Variants in RHEB observed in about 807,000 individuals in gnomAD.
The protein encoded by RHEB is GTP-binding protein Rheb.
Under a neutral mutation model 28.8 loss-of-function variants are expected in RHEB, and 2 were observed. That is an observed-to-expected ratio of 0.07 (90% CI 0.03 to 0.22). The LOEUF (loss-of-function observed/expected upper bound fraction) is 0.22. Ranked by LOEUF, RHEB falls within the 10% of genes least tolerant of loss-of-function variation. The pLI, the probability that RHEB is intolerant of heterozygous loss-of-function variation, is 1.00. For synonymous variants in RHEB, 69 were observed against 77.3 expected (o/e 0.89, Z 0.56); for missense variants, 76 against 219.9 (o/e 0.35, Z 4.14).
intron 1 of RHEB, 28 bp from the exon 2 acceptor site, chr7:151,491,042 G>C (rs1370065428): frequency 6.4e-7 from 1 of 1,557,750 alleles, no homozygotes; most frequent in Non-Finnish European, 8.8e-7. Context: ...AGCTTAGTGT[G>C]TGTTGGCATA....
intron 1 of RHEB, among the ~76,000 whole-genome samples, chr7:151,512,461 A>C: frequency 6.6e-6 from 1 of 152,104 alleles, no homozygotes; most frequent in Non-Finnish European, 1.5e-5. Context: ...ACTCTCTGGG[A>C]GCCTCGCCAT....
At chr7:151,484,625 G>T in intron 3 of RHEB, 112 bp downstream of exon 3, 1 of 752,196 alleles carries the variant, frequency 1.3e-6, no homozygotes, top group African/African-American at 1.7e-5. Context: ...GGGACTGTCT[G>T]CACACAACCT....
At chr7:151,517,767 G>A (rs1003406172) in intron 1 of RHEB, 1 of 152,024 alleles carries the variant, frequency 6.6e-6, no homozygotes, top group Non-Finnish European at 1.5e-5. Context: ...ATTTGAAAAG[G>A]GTAAATCAGT....
chr7:151,471,371 T>A lies in RHEB; in HGVS notation c.380+23A>T, dbSNP rs371011628. The stretch of plus-strand genomic sequence containing the variant: ...CTTCAGTGACTAAATCATCTTAGAT[T>A]TGACTTTATAAAAGCTACATACCTT... On this transcript the variant is annotated intron_variant, in intron 6 of 7. Transcript: ENST00000262187. 2.1e-6 allele frequency: 3 copies of A among 1,426,992 alleles called. No homozygotes were observed. The South Asian group carries it at 3.6e-5, about 17-fold the overall frequency. 88.4% of individuals were successfully genotyped at this position (1,426,992 alleles called of 1,614,324 possible).
chr7:151,480,272 G>A (rs1472780422), intron 3 of RHEB, among the ~76,000 whole-genome samples: 3 of 152,148 alleles, frequency 2.0e-5, no homozygotes, highest in African/African-American at 7.2e-5. Context: ...TTGATCAGCA[G>A]TTAACTTAGG....
chr7:151,473,128 A>T (rs1354300305), intron 4 of RHEB, among the ~76,000 whole-genome samples: 1 of 152,196 alleles, frequency 6.6e-6, no homozygotes, highest in African/African-American at 2.4e-5. Context: ...CGTCTAATGA[A>T]CAGAATATGG....
chr7:151,496,940 C>G (rs1261734177), intron 1 of RHEB, among the ~76,000 whole-genome samples: 1 of 148,482 alleles, frequency 6.7e-6, no homozygotes, highest in Admixed American at 6.6e-5. Context: ...CCACCACACT[C>G]GGCTATTTTT....
intron 2 of RHEB, among the ~76,000 whole-genome samples, chr7:151,486,689 C>A (rs1388031527): frequency 6.6e-6 from 1 of 152,136 alleles, no homozygotes; most frequent in Non-Finnish European, 1.5e-5. Context: ...CAAAAATGGT[C>A]CCAGGGATAT....
chr7:151,479,544 G>A (rs556889613), intron 3 of RHEB, among the ~76,000 whole-genome samples: 91 of 152,126 alleles, frequency 6.0e-4, no homozygotes, highest in Middle Eastern at 6.8e-3. Context: ...CTAGCTGGGC[G>A]TGGTGGCGGG....
chr7:151,519,284 G>T, intron 1 of RHEB, 176 bp downstream of exon 1: 1 of 331,196 alleles, frequency 3.0e-6, no homozygotes, highest in Non-Finnish European at 4.9e-6. Context: ...CCACCGGCGC[G>T]GACGCCGCCC....
intron 1 of RHEB, among the ~76,000 whole-genome samples, chr7:151,491,466 T>C (rs1169524175): frequency 6.6e-6 from 1 of 152,220 alleles, no homozygotes; most frequent in Non-Finnish European, 1.5e-5. Context: ...CCAGGCACCA[T>C]GGCTCACGCC....
intron 1 of RHEB, among the ~76,000 whole-genome samples, chr7:151,518,372 C>T (rs1376306055): frequency 6.6e-6 from 1 of 152,196 alleles, no homozygotes; most frequent in African/African-American, 2.4e-5. Flanking sequence ...GACAGATAGT[C>T]ACCCCGTTCC....
At chr7:151,510,165 G>A (rs1292837010) in intron 1 of RHEB, among the ~76,000 whole-genome samples, 2 of 152,142 alleles carry the variant, frequency 1.3e-5, no homozygotes, top group African/African-American at 4.8e-5. Flanking sequence ...TTCACTCAGT[G>A]AGCCACACTG....
intron 1 of RHEB, 136 bp from the exon 2 acceptor site, chr7:151,491,150 C>T: frequency 1.6e-6 from 1 of 613,402 alleles, no homozygotes; most frequent in Non-Finnish European, 2.9e-6. Flanking sequence ...ATTTAATTAG[C>T]ATGTGAGCAA....
intron 1 of RHEB, among the ~76,000 whole-genome samples, chr7:151,511,805 C>T (rs1031533922): frequency 6.6e-6 from 1 of 152,142 alleles, no homozygotes; most frequent in African/African-American, 2.4e-5. Context: ...CGCCCACCAC[C>T]ACGCCCAGCT....
intron 4 of RHEB, among the ~76,000 whole-genome samples, chr7:151,473,353 C>T (rs751474615): frequency 2.0e-5 from 3 of 152,192 alleles, no homozygotes; most frequent in Non-Finnish European, 2.9e-5. Context: ...CACGTGAACA[C>T]GCTGGGAAAC....
chr7:151,474,565 G>A (rs900669740), intron 4 of RHEB, among the ~76,000 whole-genome samples: 17 of 152,132 alleles, frequency 1.1e-4, no homozygotes, highest in East Asian at 3.8e-4. Flanking sequence ...ATTTACAGGC[G>A]ACAAAGGTAC....
intron 1 of RHEB, among the ~76,000 whole-genome samples, chr7:151,518,643 T>A (rs1057439438): frequency 6.6e-6 from 1 of 152,124 alleles, no homozygotes; most frequent in Non-Finnish European, 1.5e-5. Flanking sequence ...GCCACCTTAT[T>A]CAGCAATAAG....
chr7:151,518,618 C>G (rs910253652), intron 1 of RHEB, among the ~76,000 whole-genome samples: 5 of 152,290 alleles, frequency 3.3e-5, no homozygotes, highest in Non-Finnish European at 5.9e-5. Flanking sequence ...CGTCCGCCCC[C>G]CAACCCGACC....
Sources: allele counts gnomAD v4.1 joint callset (sites outside exome capture counted in the v4.1 genomes callset), GRCh38; gene constraint gnomAD v4.1.1; transcripts MANE v1.5; gene names NCBI Gene and HGNC (gene_info 2026-07-23, HGNC 2026-07-21).